The following ANK3 variants were observed in gnomAD, a reference collection of about 807,000 sequenced individuals.
ANK3 encodes the protein ankyrin-3.
In ANK3, 57 loss-of-function variants were observed where a neutral mutation model predicts 370.9. The observed-to-expected ratio is 0.15, with a 90% CI of 0.12 to 0.19. The LOEUF (loss-of-function observed/expected upper bound fraction) is 0.19, where lower values mean the gene tolerates loss of function less well. Among genes scored for constraint, ANK3 ranks in the 10% least tolerant of loss-of-function variants. The probability of loss-of-function intolerance (pLI) is 1.00; values close to 1 mark genes in which losing one functional copy is unlikely to be tolerated. For missense variants in ANK3, 4,439 were observed against 5,302.1 expected, an observed-to-expected ratio of 0.84 and a Z score of 5.06; for synonymous variants, 1,929 against 1,946.3, an observed-to-expected ratio of 0.99 and a Z score of 0.23.
intron 1 of ANK3, among the ~76,000 whole-genome samples, chr10:60,657,852 A>G (rs2078885433): frequency 6.6e-6 from 1 of 150,922 alleles, no homozygotes; most frequent in Admixed American, 6.6e-5. Context: ...ATATCTATTT[A>G]TTCCTTTAGT....
At chr10:60,083,731 T>C in intron 32 of ANK3, 114 bp from the exon 33 acceptor site, 1 of 861,684 alleles carries the variant, frequency 1.2e-6, no homozygotes. Context: ...CGTGTCTCTA[T>C]TAGGCAGTTA....
intron 7 of ANK3, among the ~76,000 whole-genome samples, chr10:60,246,804 G>C (rs941945902): frequency 6.6e-6 from 1 of 152,184 alleles, no homozygotes; most frequent in Non-Finnish European, 1.5e-5. Flanking sequence ...CGGTTCTCAA[G>C]TGAGTTAGGG....
chr10:60,475,923 AAAGT>A (rs2075052456), intron 2 of ANK3, among the ~76,000 whole-genome samples: 1 of 152,240 alleles, frequency 6.6e-6, no homozygotes, highest in Non-Finnish European at 1.5e-5. Flanking sequence ...CAGCGCTTTA[AAAGT>A]AAGGGTTTAT....
intron 2 of ANK3, among the ~76,000 whole-genome samples, chr10:60,560,048 G>C (rs1315592713): frequency 6.6e-6 from 1 of 151,978 alleles, no homozygotes; most frequent in Non-Finnish European, 1.5e-5. Flanking sequence ...TTCATAGATA[G>C]ATAGATAGAT....
At chr10:60,233,343 T>A (rs1473359070) in intron 8 of ANK3, among the ~76,000 whole-genome samples, 2 of 152,180 alleles carry the variant, frequency 1.3e-5, no homozygotes, top group Non-Finnish European at 2.9e-5. Flanking sequence ...TAAGTCTTGG[T>A]TTTTTCCCCT....
At chr10:60,643,508 CTATCTAT>C in intron 1 of ANK3, among the ~76,000 whole-genome samples, 1 of 66,594 alleles carries the variant, frequency 1.5e-5, no homozygotes, top group South Asian at 3.7e-4. Flanking sequence ...TTATATCTAT[CTATCTAT>C]CTATCTATCT....
chr10:60,045,814 G>T (rs79160820), intron 42 of ANK3, among the ~76,000 whole-genome samples: 2,211 of 152,300 alleles, frequency 0.015, 39 homozygotes, highest in African/African-American at 0.03. Flanking sequence ...ATTGCCATAT[G>T]TCATGTGACC....
chr10:60,118,940 C>T (rs756573283), intron 25 of ANK3, among the ~76,000 whole-genome samples: 2 of 152,036 alleles, frequency 1.3e-5, no homozygotes, highest in Non-Finnish European at 2.9e-5. Context: ...ATTCCACATC[C>T]CTCTGAGTCC....
intron 1 of ANK3, among the ~76,000 whole-genome samples, chr10:60,648,727 G>T (rs1312825534): frequency 6.9e-6 from 1 of 144,522 alleles, no homozygotes; most frequent in South Asian, 2.2e-4. Context: ...CTGAGTTCAC[G>T]CCACTGAACT....
In ANK3 at chr10:60,231,373, C is replaced by T. The variant is rs1231834674; in HGVS notation, c.897+3315G>A. Among the ~76,000 whole-genome samples, 3 of 152,200 alleles carry T rather than the reference C, an allele frequency of 2.0e-5. 1 individual carries two copies. The highest frequency in any genetic ancestry group is 7.2e-5 in the African/African-American group (3 of 41,450). On this transcript the variant is annotated intron_variant, in intron 8 of 43. Coordinates refer to ENST00000280772, the MANE Select transcript of ANK3 (RefSeq NM_020987.5). ...ACAAGGTCCCTTACAGTGCTGTCCT[C>T]TGAGGTGAAATCCAGTGATGCTTTC...
intron 2 of ANK3, among the ~76,000 whole-genome samples, chr10:60,412,122 C>T (rs2063571961): frequency 6.6e-6 from 1 of 152,156 alleles, no homozygotes; most frequent in Non-Finnish European, 1.5e-5. Flanking sequence ...TGTTCCCAGC[C>T]ACCAGGTAGA....
chr10:60,106,464 T>A (rs140974428), intron 27 of ANK3, among the ~76,000 whole-genome samples: 2 of 152,208 alleles, frequency 1.3e-5, no homozygotes, highest in East Asian at 3.9e-4. Flanking sequence ...TAAAAAAAAA[T>A]TCTATAAAGT....
At chr10:60,205,692 C>T (rs2096752585) in intron 11 of ANK3, 100 bp downstream of exon 11, 2 of 850,372 alleles carry the variant, frequency 2.4e-6, no homozygotes, top group Admixed American at 1.8e-5. Context: ...CCATGATATG[C>T]AAACAAACTA....
At chr10:60,700,511 C>T (rs2079531456) in intron 1 of ANK3, among the ~76,000 whole-genome samples, 2 of 152,126 alleles carry the variant, frequency 1.3e-5, no homozygotes, top group African/African-American at 4.8e-5. Flanking sequence ...TATAATAAGC[C>T]AGGGAAACCC....
intron 2 of ANK3, among the ~76,000 whole-genome samples, chr10:60,580,140 A>AT (rs1427100124): frequency 6.6e-6 from 1 of 152,216 alleles, no homozygotes; most frequent in Admixed American, 6.5e-5. Flanking sequence ...CATTCTTCAT[A>AT]TTCACTAATA....
At chr10:60,553,410 T>C (rs990373602) in intron 2 of ANK3, among the ~76,000 whole-genome samples, 1 of 150,626 alleles carries the variant, frequency 6.6e-6, no homozygotes, top group Non-Finnish European at 1.5e-5. Flanking sequence ...CCAGAAAATA[T>C]TAATTTCGTC....
chr10:60,060,272 A>T, intron 40 of ANK3: 1 of 272,934 alleles, frequency 3.7e-6, no homozygotes, highest in Non-Finnish European at 6.9e-6. Context: ...ATGCACACTA[A>T]TCCAAAGTAT....
chr10:60,118,854 A>C (rs1347967294), intron 25 of ANK3, among the ~76,000 whole-genome samples: 1 of 152,222 alleles, frequency 6.6e-6, no homozygotes, highest in Non-Finnish European at 1.5e-5. Flanking sequence ...TTATTGAAAC[A>C]ATGAATTATG....
chr10:60,531,298 T>A (rs1390278387), intron 2 of ANK3, among the ~76,000 whole-genome samples: 1 of 152,100 alleles, frequency 6.6e-6, no homozygotes, highest in East Asian at 1.9e-4. Flanking sequence ...TCACACAGTA[T>A]ATTAGGTGAA....
Sources: allele counts gnomAD v4.1 joint callset (sites outside exome capture counted in the v4.1 genomes callset), GRCh38; gene constraint gnomAD v4.1.1; transcripts MANE v1.5; gene names NCBI Gene and HGNC (gene_info 2026-07-23, HGNC 2026-07-21).